The following INSIG2 variants were observed in gnomAD, a reference collection of about 807,000 sequenced individuals.
The protein encoded by INSIG2 is insulin-induced gene 2 protein.
In INSIG2, 10 loss-of-function variants were observed where a neutral mutation model predicts 27.2. That is an observed-to-expected ratio of 0.37 (90% CI 0.23 to 0.62). INSIG2 has a LOEUF of 0.62. INSIG2 is among the 20% of genes least tolerant of loss of function. The pLI is 0.65. For synonymous variants in INSIG2, 97 were observed against 95.8 expected (o/e 1.01, Z -0.07); for missense variants, 178 against 270.2 (o/e 0.66, Z 2.39).
At chr2:118,102,202 A>G (rs891506346) in intron 2 of INSIG2, among the ~76,000 whole-genome samples, 2 of 152,242 alleles carry the variant, frequency 1.3e-5, no homozygotes, top group South Asian at 2.1e-4. Flanking sequence ...ATGGCACAAC[A>G]TAATCATCCT....
chr2:118,103,409 G>C (rs1443229770), intron 3 of INSIG2, 88 bp downstream of exon 3: 7 of 1,164,810 alleles, frequency 6.0e-6, no homozygotes, highest in African/African-American at 1.5e-5. Flanking sequence ...CTTCACTGTT[G>C]TCAAATTATG....
rs567318901 is a variant in INSIG2 at position 118,100,176 on chromosome 2, TTTA to T, written c.245-3020_245-3018del. Among the ~76,000 whole-genome samples, 1,031 of 152,122 alleles carry T rather than the reference TTTA, an allele frequency of 6.8e-3. 11 individuals are homozygous for T. Among genetic ancestry groups the T allele is most frequent in the African/African-American group, 0.023 (966 of 41,466 alleles). ...TAATGAGAGCACTATTTCTGCGCCA[TTTA>T]CTGCTGAATGCTCCTGCCTCAAGGG... On this transcript the variant is annotated intron_variant, in intron 2 of 5. Transcript: ENST00000245787.
In INSIG2 at chr2:118,110,296, T is replaced by G. The variant is rs1678781359; in HGVS notation, c.*1974T>G. The G allele has an allele frequency of 6.6e-6, 1 of 152,172 alleles. No individual in the cohort carries two copies. Among genetic ancestry groups the G allele is most frequent in the Non-Finnish European group, 1.5e-5 (1 of 68,024 alleles). The allele number at this position is 152,172 out of a possible 1,614,324, so 9.4% of individuals were successfully genotyped here. ...ATAAGAAACAGTTGATGAACACATA[T>G]TGTGTATGGTATATGTATTATATAC... On this transcript the variant is annotated 3_prime_UTR_variant, in exon 6 of 6. Coordinates refer to ENST00000245787, the MANE Select transcript of INSIG2 (RefSeq NM_016133.4).
In INSIG2 at chr2:118,106,762, A is replaced by G. The variant is rs1158793570; in HGVS notation, c.395A>G (p.Gln132Arg). The change falls in exon 4 of 6, where the codon CAG (glutamine) becomes CGG (arginine). Residue 132 changes from glutamine to arginine, a missense_variant. Coordinates refer to ENST00000245787, the MANE Select transcript of INSIG2 (RefSeq NM_016133.4). ...AAAGTGGATTTCGATAACAACATAC[A>G]GTTGTCTCTCACACTGGCTGCACTA... ...SAKVDFDNNI[Q>R]LSLTLAALSI... 6.2e-7 allele frequency: 1 copy of G among 1,613,836 alleles called. No homozygotes were observed. The highest frequency in any genetic ancestry group is 1.1e-5 in the South Asian group (1 of 91,056).
chr2:118,094,971 C>G lies in INSIG2; in HGVS notation c.-138-1448C>G, dbSNP rs560399672. Among the ~76,000 whole-genome samples the G allele has an allele frequency of 4.6e-5, 7 of 152,188 alleles. No individual in the cohort carries two copies. The East Asian group carries it at 1.4e-3, about 29-fold the overall frequency. Reference sequence around the variant, plus strand: ...ATGGTTTGATTCAGAAAGAGTTAACCCAATTTAATTAAGCAAATATGATTA... The same window carrying G: ...ATGGTTTGATTCAGAAAGAGTTAACGCAATTTAATTAAGCAAATATGATTA... On this transcript the variant is annotated intron_variant, in intron 1 of 5. Transcript: ENST00000245787.
rs931677892 is a variant in INSIG2, at chr2:118,103,240, A to G, written c.288A>G (p.Gly96=). The G allele has an allele frequency of 2.5e-6, 4 of 1,613,716 alleles. No individual in the cohort carries two copies. The highest frequency in any genetic ancestry group is 3.4e-6 in the Non-Finnish European group (4 of 1,179,802). Residue 96 remains glycine, a synonymous_variant, in exon 3 of 6, where the codon GGA becomes GGG. Coordinates refer to ENST00000245787, the MANE Select transcript of INSIG2 (RefSeq NM_016133.4). ...ACCCCTGCATTGACAGACATCTAGG[A>G]GAACCACATAAATTTAAAAGAGAGT... The part of the protein sequence containing the change: ...LLYPCIDRHL[G]EPHKFKREWS...
chr2:118,098,976 C>A (rs1678478346), intron 2 of INSIG2, among the ~76,000 whole-genome samples: 1 of 152,196 alleles, frequency 6.6e-6, no homozygotes, highest in Admixed American at 6.5e-5. Flanking sequence ...TTAGTTAAGT[C>A]ATGGTGTTTA....
chr2:118,097,829 C>G (rs1456137610), intron 2 of INSIG2, among the ~76,000 whole-genome samples: 1 of 152,168 alleles, frequency 6.6e-6, no homozygotes, highest in Non-Finnish European at 1.5e-5. Flanking sequence ...TGGCTTCCAT[C>G]CAAGAGCGGG....
At chr2:118,108,153 G>T in intron 5 of INSIG2, 128 bp from the exon 6 acceptor site, 1 of 593,178 alleles carries the variant, frequency 1.7e-6, no homozygotes, top group South Asian at 2.1e-5. Context: ...GTAACTCTTG[G>T]ATTATTTGAG....
At chr2:118,105,681 T>C (rs1329903714) in intron 3 of INSIG2, among the ~76,000 whole-genome samples, 2 of 152,206 alleles carry the variant, frequency 1.3e-5, no homozygotes, top group Non-Finnish European at 2.9e-5. Flanking sequence ...GTGTTTAGGA[T>C]ACTTGCTTGG....
intron 5 of INSIG2, 55 bp downstream of exon 5, chr2:118,107,244 C>A: frequency 1.6e-6 from 2 of 1,266,836 alleles, no homozygotes; most frequent in Non-Finnish European, 2.3e-6. Flanking sequence ...CAAGTTTTCT[C>A]TAAAAGGCAG....
At chr2:118,095,940 C>G (rs973676328) in intron 1 of INSIG2, among the ~76,000 whole-genome samples, 1 of 152,134 alleles carries the variant, frequency 6.6e-6, no homozygotes. Flanking sequence ...TGGAGGTTGT[C>G]CTTGTAAGCA....
intron 1 of INSIG2, among the ~76,000 whole-genome samples, chr2:118,092,461 A>G (rs1678278152): frequency 6.6e-6 from 1 of 152,174 alleles, no homozygotes; most frequent in East Asian, 1.9e-4. Context: ...AGAGTGTATT[A>G]TAGTTGAGAT....
At chr2:118,105,720 G>A (rs1678657128) in intron 3 of INSIG2, among the ~76,000 whole-genome samples, 1 of 152,150 alleles carries the variant, frequency 6.6e-6, no homozygotes, top group Non-Finnish European at 1.5e-5. Context: ...GAAAAAGAGT[G>A]TTAAAGGAAG....
chr2:118,099,027 A>G (rs1450245355), intron 2 of INSIG2, among the ~76,000 whole-genome samples: 1 of 152,228 alleles, frequency 6.6e-6, no homozygotes, highest in African/African-American at 2.4e-5. Context: ...CCAAGTTGCC[A>G]GAGATGGAAA....
rs1382878516 is a variant in INSIG2 at position 118,109,954 on chromosome 2, A to G, written c.*1632A>G. On this transcript the variant is annotated 3_prime_UTR_variant, in exon 6 of 6. Transcript: ENST00000245787. ...CACTATAAAATCTTTAATAAGTTAT[A>G]AGGTCTATGATGTGTTTACTTTAAA... 1 of 152,626 alleles carries G rather than the reference A, an allele frequency of 6.6e-6. No homozygotes were observed. The allele number at this position is 152,626 out of a possible 1,614,324, so 9.5% of individuals were successfully genotyped here.
intron 3 of INSIG2, among the ~76,000 whole-genome samples, chr2:118,104,227 A>C (rs1381327889): frequency 2.0e-5 from 3 of 152,178 alleles, no homozygotes; most frequent in Non-Finnish European, 4.4e-5. Context: ...TGGGGCAGGC[A>C]GAGTTAGCTA....
At chr2:118,089,673 C>A (rs945846271) in intron 1 of INSIG2, among the ~76,000 whole-genome samples, 8 of 152,136 alleles carry the variant, frequency 5.3e-5, no homozygotes, top group African/African-American at 1.9e-4. Flanking sequence ...TGTGTTATGT[C>A]GTAGTTCTCA....
intron 2 of INSIG2, among the ~76,000 whole-genome samples, chr2:118,101,878 T>A (rs1038267425): frequency 6.6e-6 from 1 of 152,052 alleles, no homozygotes; most frequent in East Asian, 1.9e-4. Context: ...CTCAAAAGAG[T>A]TGTGGACTAG....
Sources: gnomAD v4.1 joint callset for allele counts (sites outside exome capture counted in the v4.1 genomes callset) on GRCh38, gnomAD v4.1.1 for gene constraint, MANE v1.5 for transcripts, NCBI Gene and HGNC (gene_info 2026-07-23, HGNC 2026-07-21) for gene names.